PTPRZ1: variants seen among roughly 807,000 people sequenced by gnomAD.
PTPRZ1 encodes the protein receptor-type tyrosine-protein phosphatase zeta.
PTPRZ1 carries 82 observed loss-of-function variants against 214.1 expected under a neutral mutation model. The ratio of observed to expected loss-of-function variants is 0.38; its 90% CI spans 0.32 to 0.46. PTPRZ1 has a LOEUF of 0.46. Ranked by LOEUF, PTPRZ1 falls within the 20% of genes least tolerant of loss-of-function variation. The probability of loss-of-function intolerance (pLI) is 1.00; values close to 1 mark genes in which losing one functional copy is unlikely to be tolerated. For synonymous variants in PTPRZ1, 945 were observed against 987.9 expected, an observed-to-expected ratio of 0.96 and a Z score of 0.81; for missense variants, 2,603 against 2,748.7, an observed-to-expected ratio of 0.95 and a Z score of 1.19.
chr7:121,900,294 G>A (rs530145516), intron 1 of PTPRZ1, among the ~76,000 whole-genome samples: 14 of 152,244 alleles, frequency 9.2e-5, no homozygotes, highest in South Asian at 2.1e-4. Context: ...AGGAGAGGCC[G>A]CTCACCCTTT....
intron 2 of PTPRZ1, among the ~76,000 whole-genome samples, chr7:121,955,527 A>G (rs994767873): frequency 6.6e-6 from 1 of 152,132 alleles, no homozygotes; most frequent in African/African-American, 2.4e-5. Context: ...AAGAAATCTC[A>G]CTCCATTTCT....
At position 121,902,642 on chromosome 7, in the gene PTPRZ1, T is replaced by C. The variant is rs562013172; in HGVS notation, c.59-25514T>C. Reference sequence around the variant, plus strand: ...TGTTAGCATTTTTTTCACTTACCTATCTGCCATTTGTATGTCTTCTTTTGA... The same window carrying C: ...TGTTAGCATTTTTTTCACTTACCTACCTGCCATTTGTATGTCTTCTTTTGA... On this transcript the variant is annotated intron_variant, in intron 1 of 29. Transcript: ENST00000393386. Among the ~76,000 whole-genome samples the C allele has an allele frequency of 2.6e-5, 4 of 152,326 alleles. No individual in the cohort carries two copies. The South Asian group carries it at 8.3e-4, about 32-fold the overall frequency.
chr7:121,931,842 C>T (rs1047573745), intron 2 of PTPRZ1, among the ~76,000 whole-genome samples: 5 of 152,074 alleles, frequency 3.3e-5, no homozygotes, highest in African/African-American at 9.7e-5. Flanking sequence ...TCATCTTGCT[C>T]ATAACCTAAG....
intron 2 of PTPRZ1, among the ~76,000 whole-genome samples, chr7:121,952,386 C>A (rs1796578513): frequency 6.6e-6 from 1 of 152,024 alleles, no homozygotes; most frequent in Non-Finnish European, 1.5e-5. Flanking sequence ...AAGTAGAAGA[C>A]CATCCTGGGC....
In PTPRZ1 at chr7:122,010,629, C is replaced by G. The variant is rs778268178; in HGVS notation, c.1583C>G (p.Pro528Arg). 1 of 1,613,618 alleles carries G rather than the reference C, an allele frequency of 6.2e-7. No individual in the cohort carries two copies. The highest frequency in any genetic ancestry group is 8.5e-7 in the Non-Finnish European group (1 of 1,179,524). The change falls in exon 12 of 30, where the codon CCT becomes CGT. Residue 528 changes from proline (P) to arginine (R), a missense_variant. By Grantham distance (103) the Pro-to-Arg change is moderately radical (BLOSUM62 -2). Around this residue, in one of 6 missense-constraint regions of PTPRZ1, gnomAD observed 1,913 missense variants for 1,914.3 expected, o/e 1.00. Coordinates refer to ENST00000393386, the MANE Select transcript of PTPRZ1 (RefSeq NM_002851.3). ...LTSQTVTELP[P>R]HTVEGTSASL... ...TCTCAGACTGTGACTGAACTGCCACCTCACACTGTGGAAGGTACTTCAGCC... is the reference window on the plus strand; with the variant it reads ...TCTCAGACTGTGACTGAACTGCCACGTCACACTGTGGAAGGTACTTCAGCC...
chr7:121,875,438 C>T (rs1794024772), intron 1 of PTPRZ1, among the ~76,000 whole-genome samples: 1 of 152,184 alleles, frequency 6.6e-6, no homozygotes, highest in Admixed American at 6.5e-5. Flanking sequence ...AAATATATCA[C>T]ATTTGCAAAG....
intron 1 of PTPRZ1, among the ~76,000 whole-genome samples, chr7:121,899,413 T>C (rs927353079): frequency 5.9e-5 from 9 of 152,244 alleles, no homozygotes; most frequent in Non-Finnish European, 1.3e-4. Context: ...ACATAAAATA[T>C]ATGGAAGATA....
intron 9 of PTPRZ1, among the ~76,000 whole-genome samples, chr7:121,996,865 A>T (rs1376949739): frequency 6.6e-6 from 1 of 152,134 alleles, no homozygotes; most frequent in Non-Finnish European, 1.5e-5. Context: ...TTAAGATTTC[A>T]GTTGTAGAAT....
At chr7:121,934,060 C>G (rs1382860097) in intron 2 of PTPRZ1, among the ~76,000 whole-genome samples, 2 of 152,084 alleles carry the variant, frequency 1.3e-5, no homozygotes, top group Non-Finnish European at 2.9e-5. Context: ...ATACTCTACC[C>G]TGTTGACCAT....
At chr7:121,907,359 G>A (rs925048263) in intron 1 of PTPRZ1, among the ~76,000 whole-genome samples, 3 of 151,860 alleles carry the variant, frequency 2.0e-5, no homozygotes, top group Admixed American at 1.3e-4. Context: ...ATAATTCCAA[G>A]ACATTTATTT....
chr7:121,987,237 T>A (rs1435287500), intron 8 of PTPRZ1, among the ~76,000 whole-genome samples: 1 of 124,452 alleles, frequency 8.0e-6, no homozygotes, highest in Non-Finnish European at 1.7e-5. Flanking sequence ...TCCTCTTTGG[T>A]CAGTTCCCCT....
intron 1 of PTPRZ1, among the ~76,000 whole-genome samples, chr7:121,891,451 C>CTTTTTGTTTTTTTTTTTTTTT: frequency 2.8e-5 from 1 of 35,744 alleles, no homozygotes; most frequent in Non-Finnish European, 5.2e-5. Flanking sequence ...AAAACAACCT[C>CTTTTTGTTTTTTTTTTTTTTT]TTTTTTTTTT....
At chr7:122,009,624 C>T (rs1798588660) in intron 11 of PTPRZ1, among the ~76,000 whole-genome samples, 1 of 151,898 alleles carries the variant, frequency 6.6e-6, no homozygotes. Flanking sequence ...TGGTTAACTT[C>T]TAGCTAGAAG....
intron 17 of PTPRZ1, 73 bp from the exon 18 acceptor site, chr7:122,036,526 TA>T: frequency 1.0e-6 from 1 of 983,048 alleles, no homozygotes; most frequent in Non-Finnish European, 1.5e-6. Context: ...AATAAATTAT[TA>T]TGCAAATATG....
chr7:122,059,723 T>A (rs755328432), intron 28 of PTPRZ1, 30 bp from the exon 29 acceptor site: 4 of 1,582,524 alleles, frequency 2.5e-6, no homozygotes, highest in Middle Eastern at 1.7e-4. Context: ...CAATGGAGTC[T>A]TTGTTCCTTT....
intron 1 of PTPRZ1, among the ~76,000 whole-genome samples, chr7:121,874,324 T>C (rs1325008687): frequency 6.6e-6 from 1 of 152,228 alleles, no homozygotes; most frequent in African/African-American, 2.4e-5. Flanking sequence ...AGTTTAAGCA[T>C]TCCCTTTACC....
At chr7:121,996,325 T>TGA in intron 8 of PTPRZ1, 57 bp from the exon 9 acceptor site, 1 of 1,246,908 alleles carries the variant, frequency 8.0e-7, no homozygotes, top group Non-Finnish European at 1.1e-6. Context: ...TATGTTTTAT[T>TGA]TATTCAAGTC....
At chr7:121,915,215 G>C (rs1254923263) in intron 1 of PTPRZ1, among the ~76,000 whole-genome samples, 2 of 152,122 alleles carry the variant, frequency 1.3e-5, no homozygotes, top group African/African-American at 4.8e-5. Flanking sequence ...TGATCAGGAG[G>C]GAACAGCACA....
chr7:121,904,424 A>G (rs1405953184), intron 1 of PTPRZ1, among the ~76,000 whole-genome samples: 1 of 152,204 alleles, frequency 6.6e-6, no homozygotes, highest in Non-Finnish European at 1.5e-5. Context: ...GCCTCACTCA[A>G]AGAAAGCAGA....
Sources: gnomAD v4.1 joint callset for allele counts (sites outside exome capture counted in the v4.1 genomes callset) on GRCh38, gnomAD v4.1.1 for gene constraint, gnomAD v4.1.1 regional missense constraint, MANE v1.5 for transcripts, NCBI Gene and HGNC (gene_info 2026-07-23, HGNC 2026-07-21) for gene names.